The following PRDX5 variants were observed in gnomAD, a reference collection of about 807,000 sequenced individuals.
PRDX5 encodes peroxiredoxin-5, mitochondrial.
In PRDX5, 21 loss-of-function variants were observed where a neutral mutation model predicts 23.8. That is an observed-to-expected ratio of 0.88 (90% confidence interval 0.63 to 1.27). The LOEUF (loss-of-function observed/expected upper bound fraction) is 1.27. PRDX5 is among the 50% of genes most tolerant of loss of function. PRDX5 has a pLI of 0.00. For synonymous variants in PRDX5, 111 were observed against 113.3 expected, an observed-to-expected ratio of 0.98 and a Z score of 0.13; for missense variants, 261 against 270.6, an observed-to-expected ratio of 0.96 and a Z score of 0.25.
In PRDX5 at chr11:64,320,706, A is replaced by G. The variant is rs750779466; in HGVS notation, c.352A>G (p.Lys118Glu). 1.9e-6 allele frequency: 3 copies of G among 1,613,378 alleles called. No individual in the cohort carries two copies. Among genetic ancestry groups the G allele is most frequent in the South Asian group, 2.2e-5 (2 of 91,014 alleles). Residue 118 changes from lysine (K) to glutamate (E), a missense_variant, in exon 3 of 6, where the codon AAG becomes GAG. By Grantham distance (56) the Lys-to-Glu change is moderately conservative. Coordinates refer to ENST00000265462, the MANE Select transcript of PRDX5 (RefSeq NM_012094.5). ...FVEQAEALKAKGVQVVACLSV... is the reference protein window; with the variant it reads ...FVEQAEALKAEGVQVVACLSV... ...GGAGCAGGCTGAGGCTCTGAAGGCCAAGGGAGTCCAGGTGGTGGCCTGTCT... is the reference window on the plus strand; with the variant it reads ...GGAGCAGGCTGAGGCTCTGAAGGCCGAGGGAGTCCAGGTGGTGGCCTGTCT...
rs747234437 is a variant in PRDX5 at position 64,320,760 on chromosome 11, GA to G, written c.407del (p.Glu136GlyfsTer30). 1.2e-6 allele frequency: 2 copies of G among 1,614,148 alleles called. No individual in the cohort carries two copies. Among genetic ancestry groups the G allele is most frequent in the South Asian group, 2.2e-5 (2 of 91,076 alleles). On this transcript the variant is annotated frameshift_variant, in exon 3 of 6. Coordinates refer to ENST00000265462, the MANE Select transcript of PRDX5 (RefSeq NM_012094.5). LOFTEE classifies it high-confidence loss of function. ...LSVNDAFVTG[E>X]WGRAHKAEGK... ...TGTTAATGATGCCTTTGTGACTGGC[GA>G]GTGGGGCCGAGCCCACAAGGCGGAA...
chr11:64,320,606 G>C, intron 2 of PRDX5, 55 bp from the exon 3 acceptor site: 1 of 1,540,662 alleles, frequency 6.5e-7, no homozygotes, highest in East Asian at 2.3e-5. Context: ...ATAAAGGGTG[G>C]GCTGGGGGTC....
chr11:64,320,973 A>T lies in PRDX5; in HGVS notation c.478-34A>T. 4 of 1,614,030 alleles carry T rather than the reference A, an allele frequency of 2.5e-6. No homozygotes were observed. In the East Asian group the frequency reaches 8.9e-5, roughly 36 times the overall value. Reference sequence around the variant, plus strand: ...GCAGTGGGGGCCCTTAGCCTCTTCAAGGATTTCTGACACTTTTCTCTGTCT... The same window carrying T: ...GCAGTGGGGGCCCTTAGCCTCTTCATGGATTTCTGACACTTTTCTCTGTCT... On this transcript the variant is annotated intron_variant, in intron 4 of 5. Transcript: ENST00000265462.
chr11:64,318,343 T>C lies in PRDX5; in HGVS notation c.128T>C (p.Val43Ala), dbSNP rs765091459. The C allele has an allele frequency of 3.4e-5, 55 of 1,611,586 alleles. No individual in the cohort carries two copies. The highest frequency in any genetic ancestry group is 8.0e-5 in the African/African-American group (6 of 74,782). ...GAAGGAGAGTGGGCGTCTGGCGGGG[T>C]CCGCAGTTTCAGCAGAGCCGCTGCA... ...YSEGEWASGG[V>A]RSFSRAAAAM... Residue 43 changes from valine to alanine, a missense_variant, in exon 1 of 6, where the codon GTC (valine) becomes GCC (alanine). By Grantham distance (64) the Val-to-Ala change is moderately conservative (BLOSUM62 0). Transcript: ENST00000265462.
intron 1 of PRDX5, 35 bp downstream of exon 1, chr11:64,318,421 A>T (rs200384441): frequency 5.7e-6 from 9 of 1,578,020 alleles, no homozygotes; most frequent in African/African-American, 2.7e-5. Context: ...GACATCCCCC[A>T]CTACCCCCAT....
chr11:64,318,446 C>G, intron 1 of PRDX5, 60 bp downstream of exon 1: 4 of 1,538,062 alleles, frequency 2.6e-6, no homozygotes, highest in Non-Finnish European at 3.5e-6. Context: ...ATCCCCGTCC[C>G]GCTAGTCTGA....
In PRDX5 at chr11:64,321,660, G is replaced by A; in HGVS notation, c.614G>A (p.Ser205Asn). 1 of 1,602,124 alleles carries A rather than the reference G, an allele frequency of 6.2e-7. No homozygotes were observed. The highest frequency in any genetic ancestry group is 8.5e-7 in the Non-Finnish European group (1 of 1,174,602). The change falls in exon 6 of 6, where the codon AGC (serine) becomes AAC (asparagine). Residue 205 changes from serine (S) to asparagine (N), a missense_variant. By Grantham distance (46) the Ser-to-Asn change is conservative. Coordinates refer to ENST00000265462, the MANE Select transcript of PRDX5 (RefSeq NM_012094.5). ...VEPDGTGLTC[S>N]LAPNIISQL ...CCAGATGGCACAGGCCTCACCTGCA[G>A]CCTGGCACCCAATATCATCTCACAG...
Position 64,318,132 on chromosome 11 carries a change from T to C in PRDX5, c.-84T>C. On this transcript the variant is annotated 5_prime_UTR_variant, in exon 1 of 6. Coordinates refer to ENST00000265462, the MANE Select transcript of PRDX5 (RefSeq NM_012094.5). ...CGGCCCAGGCCCGCCTTCCGCAGGG[T>C]GTCGCCGCTGTGCCGCTAGCGGTGC... 6.4e-7 allele frequency: 1 copy of C among 1,564,702 alleles called. No homozygotes were observed. The highest frequency in any genetic ancestry group is 8.6e-7 in the Non-Finnish European group (1 of 1,158,898).
Position 64,320,989 on chromosome 11 carries a change from TTC to T in PRDX5, c.478-14_478-13del. 6.2e-7 allele frequency: 1 copy of T among 1,614,130 alleles called. No individual in the cohort carries two copies. Among genetic ancestry groups the T allele is most frequent in the Non-Finnish European group, 8.5e-7 (1 of 1,179,984 alleles). On this transcript the variant is annotated splice_polypyrimidine_tract_variant and intron_variant, in intron 4 of 5. Coordinates refer to ENST00000265462, the MANE Select transcript of PRDX5 (RefSeq NM_012094.5). ...GCCTCTTCAAGGATTTCTGACACTT[TTC>T]TCTGTCTCTTCTTAGGAGACAGACT...
intron 5 of PRDX5, 49 bp from the exon 6 acceptor site, chr11:64,321,537 G>T: frequency 6.3e-7 from 1 of 1,592,992 alleles, no homozygotes; most frequent in African/African-American, 1.3e-5. Flanking sequence ...TCCATGCCCA[G>T]CCTCCAAGCC....
intron 1 of PRDX5, among the ~76,000 whole-genome samples, 176 bp from the exon 2 acceptor site, chr11:64,319,558 G>T (rs1344790138): frequency 6.6e-6 from 1 of 152,238 alleles, no homozygotes; most frequent in Non-Finnish European, 1.5e-5. Context: ...GGAGGATATG[G>T]GGTAACCCAG....
In PRDX5 at chr11:64,318,188, G is replaced by C; in HGVS notation, c.-28G>C. The C allele has an allele frequency of 6.2e-7, 1 of 1,610,148 alleles. No homozygotes were observed. Among genetic ancestry groups the C allele is most frequent in the Non-Finnish European group, 8.5e-7 (1 of 1,179,068 alleles). The stretch of plus-strand genomic sequence containing the variant: ...CTGCTGCGGTGGCACCAGCCAGGAG[G>C]CGGAGTGGAAGTGGCCGTGGGGCGG... On this transcript the variant is annotated 5_prime_UTR_variant, in exon 1 of 6. Coordinates refer to ENST00000265462, the MANE Select transcript of PRDX5 (RefSeq NM_012094.5).
Position 64,320,725 on chromosome 11 carries a change from C to T in PRDX5, c.371C>T (p.Ala124Val), listed in dbSNP as rs267603099. 97 of 1,613,754 alleles carry T rather than the reference C, an allele frequency of 6.0e-5. No individual in the cohort carries two copies. Among genetic ancestry groups the T allele is most frequent in the Non-Finnish European group, 8.1e-5 (95 of 1,179,800 alleles). The change falls in exon 3 of 6, where the codon GCC (alanine) becomes GTC (valine). Residue 124 changes from alanine to valine, a missense_variant. By Grantham distance (64) the Ala-to-Val change is moderately conservative. Transcript: ENST00000265462. ...ALKAKGVQVVACLSVNDAFVT... is the reference protein window; with the variant it reads ...ALKAKGVQVVVCLSVNDAFVT... Reference sequence around the variant, plus strand: ...AAGGCCAAGGGAGTCCAGGTGGTGGCCTGTCTGAGTGTTAATGATGCCTTT... The same window carrying T: ...AAGGCCAAGGGAGTCCAGGTGGTGGTCTGTCTGAGTGTTAATGATGCCTTT...
rs768090217 is a variant in PRDX5 at position 64,320,773 on chromosome 11, C to T, written c.419C>T (p.Ala140Val). The change falls in exon 3 of 6, where the codon GCC (alanine) becomes GTC (valine). Residue 140 changes from alanine (A) to valine (V), a missense_variant. Coordinates refer to ENST00000265462, the MANE Select transcript of PRDX5 (RefSeq NM_012094.5). Reference protein sequence around the residue: ...DAFVTGEWGRAHKAEGKVRLL... With the variant: ...DAFVTGEWGRVHKAEGKVRLL... ...TTTGTGACTGGCGAGTGGGGCCGAG[C>T]CCACAAGGCGGAAGGCAAGGTGAGG... The T allele has an allele frequency of 6.2e-7, 1 of 1,614,104 alleles. No homozygotes were observed. The highest frequency in any genetic ancestry group is 2.2e-5 in the East Asian group (1 of 44,886).
rs201491845 is a variant in PRDX5 at position 64,321,452 on chromosome 11, T to C, written c.540-134T>C. On this transcript the variant is annotated intron_variant, in intron 5 of 5. Coordinates refer to ENST00000265462, the MANE Select transcript of PRDX5 (RefSeq NM_012094.5). ...GAGAGTCCTGTGTGGTGGTGAGTCCTCTGTGGGGGAGAGTCCTCTGTGGGG... is the reference window on the plus strand; with the variant it reads ...GAGAGTCCTGTGTGGTGGTGAGTCCCCTGTGGGGGAGAGTCCTCTGTGGGG... 1.6e-3 allele frequency: 2,216 copies of C among 1,424,558 alleles called. 34 individuals carry two copies. The South Asian group carries it at 0.024, about 15-fold the overall frequency. 88.2% of individuals were successfully genotyped at this position (1,424,558 alleles called of 1,614,324 possible).
chr11:64,318,618 T>G (rs919869644), intron 1 of PRDX5, among the ~76,000 whole-genome samples: 1 of 152,088 alleles, frequency 6.6e-6, no homozygotes, highest in African/African-American at 2.4e-5. Context: ...TGTTTTTTTT[T>G]GAGACGGAGT....
intron 1 of PRDX5, among the ~76,000 whole-genome samples, chr11:64,318,624 G>A (rs2035393597): frequency 6.6e-6 from 1 of 151,640 alleles, no homozygotes; most frequent in African/African-American, 2.4e-5. Flanking sequence ...TTTTTGAGAC[G>A]GAGTCTTTCT....
intron 5 of PRDX5, among the ~76,000 whole-genome samples, chr11:64,321,340 G>A (rs1436101087): frequency 6.6e-6 from 1 of 151,398 alleles, no homozygotes; most frequent in Admixed American, 6.6e-5. Context: ...AGTCCTGTGT[G>A]GGGAGAGTCT....
rs985922903 is a variant in PRDX5 at position 64,320,513 on chromosome 11, G to A, written c.307-148G>A. ...TCATTCTGAGCTTCCTAGTGGCCAA[G>A]GCAAAAAGGAAATAGAATGGTTTAG... On this transcript the variant is annotated intron_variant, in intron 2 of 5. Transcript: ENST00000265462. The A allele has an allele frequency of 8.9e-6, 11 of 1,240,586 alleles. No individual in the cohort carries two copies. The Admixed American group carries it at 1.8e-4, about 20-fold the overall frequency. The allele number at this position is 1,240,586 out of a possible 1,614,324, so 76.8% of individuals were successfully genotyped here. A position where few individuals can be genotyped will look rare whatever the true frequency, so the allele number is the denominator to read the frequency against.
Sources: allele counts gnomAD v4.1 joint callset (sites outside exome capture counted in the v4.1 genomes callset), GRCh38; gene constraint gnomAD v4.1.1; transcripts MANE v1.5; gene names NCBI Gene and HGNC (gene_info 2026-07-23, HGNC 2026-07-21).